CRHR1: variants seen among roughly 807,000 people sequenced by gnomAD.
The protein encoded by CRHR1 is corticotropin-releasing hormone receptor 1.
In CRHR1, 28 loss-of-function variants were observed where a neutral mutation model predicts 56.0. The observed-to-expected ratio is 0.50, with a 90% CI of 0.37 to 0.69. The LOEUF (loss-of-function observed/expected upper bound fraction) is 0.69, where lower values mean the gene tolerates loss of function less well. Ranked by LOEUF, CRHR1 falls within the 30% of genes least tolerant of loss-of-function variation. The pLI is 0.00. For synonymous variants in CRHR1, 195 were observed against 216.5 expected, an observed-to-expected ratio of 0.90 and a Z score of 0.87; for missense variants, 376 against 548.0, an observed-to-expected ratio of 0.69 and a Z score of 3.13.
Position 45,829,292 on chromosome 17 carries a change from G to C in CRHR1, c.405G>C (p.Leu135=). The C allele has an allele frequency of 6.2e-7, 1 of 1,614,050 alleles. No homozygotes were observed. The highest frequency in any genetic ancestry group is 8.5e-7 in the Non-Finnish European group (1 of 1,180,008). The part of the protein sequence containing the change: ...LGHCISLVAL[L]VAFVLFLRLR... ...ACTGTATCTCCCTGGTGGCCCTCCTGGTGGCCTTTGTCCTCTTTCTGCGGC... is the reference window on the plus strand; with the variant it reads ...ACTGTATCTCCCTGGTGGCCCTCCTCGTGGCCTTTGTCCTCTTTCTGCGGC... The change falls in exon 5 of 13, where the codon CTG becomes CTC. Residue 135 remains leucine, a synonymous_variant. Transcript: ENST00000314537.
At chr17:45,785,991 G>T (rs564122857) in intron 1 of CRHR1, among the ~76,000 whole-genome samples, 27 of 152,310 alleles carry the variant, frequency 1.8e-4, no homozygotes, top group African/African-American at 6.3e-4. Flanking sequence ...CAGAGAGGTC[G>T]AGTAGTTGGC....
intron 3 of CRHR1, 92 bp from the exon 4 acceptor site, chr17:45,821,263 C>CTG: frequency 8.6e-7 from 1 of 1,169,270 alleles, no homozygotes; most frequent in Non-Finnish European, 1.3e-6. Context: ...TACTGGCCAT[C>CTG]TACAGATCCA....
At chr17:45,804,585 T>C (rs1252956395) in intron 1 of CRHR1, among the ~76,000 whole-genome samples, 4 of 151,146 alleles carry the variant, frequency 2.6e-5, no homozygotes. Flanking sequence ...TCCCGGCAGG[T>C]GAACATGGAA....
intron 10 of CRHR1, 45 bp downstream of exon 10, chr17:45,833,582 C>G (rs374490379): frequency 3.9e-5 from 62 of 1,599,748 alleles, no homozygotes; most frequent in Non-Finnish European, 4.9e-5. Flanking sequence ...GATGAAACCC[C>G]TGCTCCCCAT....
intron 2 of CRHR1, among the ~76,000 whole-genome samples, chr17:45,808,763 C>T (rs1045722996): frequency 2.0e-5 from 3 of 152,166 alleles, no homozygotes; most frequent in African/African-American, 7.2e-5. Flanking sequence ...ATCCTCCTCT[C>T]TCAGCCTCCT....
At chr17:45,829,839 C>T (rs546755319) in intron 5 of CRHR1, among the ~76,000 whole-genome samples, 1 of 152,064 alleles carries the variant, frequency 6.6e-6, no homozygotes, top group East Asian at 1.9e-4. Flanking sequence ...TCCAGCTGCC[C>T]TGGTCCATGG....
In CRHR1 at chr17:45,784,704, C is replaced by G; in HGVS notation, c.33+127C>G. On this transcript the variant is annotated intron_variant, in intron 1 of 12. Coordinates refer to ENST00000314537, the MANE Select transcript of CRHR1 (RefSeq NM_004382.5). The surrounding 1 kb of genome is among the most constrained non-coding windows in gnomAD (Gnocchi z 4.2). Reference sequence around the variant, plus strand: ...AGAGCCGTGCTTAGGTCGGGGAAGGCTGGGCTCCGGGGCAGCCTAACTCTC... The same window carrying G: ...AGAGCCGTGCTTAGGTCGGGGAAGGGTGGGCTCCGGGGCAGCCTAACTCTC... The G allele has an allele frequency of 2.0e-6, 2 of 1,020,348 alleles. No individual in the cohort carries two copies. The highest frequency in any genetic ancestry group is 2.7e-6 in the Non-Finnish European group (2 of 751,446). The allele number at this position is 1,020,348 out of a possible 1,614,324, so 63.2% of individuals were successfully genotyped here. A position where few individuals can be genotyped will look rare whatever the true frequency, so the allele number is the denominator to read the frequency against.
At chr17:45,830,283 C>CA (rs747815676) in intron 6 of CRHR1, 69 bp downstream of exon 6, 466 of 1,604,010 alleles carry the variant, frequency 2.9e-4, no homozygotes, top group Non-Finnish European at 3.7e-4. Context: ...CCCGCCTGCC[C>CA]TGCAGAGGAG....
intron 4 of CRHR1, among the ~76,000 whole-genome samples, chr17:45,828,827 G>T (rs925805318): frequency 2.3e-4 from 35 of 152,326 alleles, no homozygotes; most frequent in African/African-American, 7.9e-4. Context: ...GGAGTTTGGT[G>T]TCTCTGCAGC....
At chr17:45,808,740 C>T (rs1206155400) in intron 2 of CRHR1, among the ~76,000 whole-genome samples, 1 of 152,138 alleles carries the variant, frequency 6.6e-6, no homozygotes, top group Non-Finnish European at 1.5e-5. Context: ...CCTCGATCTT[C>T]TGATCTCAAG....
chr17:45,797,736 A>T (rs1332730170), intron 1 of CRHR1, among the ~76,000 whole-genome samples: 2 of 151,976 alleles, frequency 1.3e-5, no homozygotes, highest in Non-Finnish European at 2.9e-5. Flanking sequence ...GGCAGATAAA[A>T]GATTCCAACA....
At chr17:45,793,369 C>G (rs2061460498) in intron 1 of CRHR1, among the ~76,000 whole-genome samples, 1 of 152,204 alleles carries the variant, frequency 6.6e-6, no homozygotes, top group African/African-American at 2.4e-5. Context: ...GCAAGAAGGT[C>G]TCAGAAGCTG....
Position 45,833,826 on chromosome 17 carries a change from A to G in CRHR1, c.1042A>G (p.Asn348Asp). Reference sequence around the variant, plus strand: ...CTCCCGGGTCGTCTTCATCTACTTCAACTCCTTCCTGGAATCCTTCCAGGT... The same window carrying G: ...CTCCCGGGTCGTCTTCATCTACTTCGACTCCTTCCTGGAATCCTTCCAGGT... Reference protein sequence around the residue: ...EVSRVVFIYFNSFLESFQGFF... With the variant: ...EVSRVVFIYFDSFLESFQGFF... The change falls in exon 11 of 13, where the codon AAC becomes GAC. Residue 348 changes from asparagine to aspartate, a missense_variant. Coordinates refer to ENST00000314537, the MANE Select transcript of CRHR1 (RefSeq NM_004382.5). The G allele has an allele frequency of 6.2e-7, 1 of 1,613,288 alleles. No homozygotes were observed. Among genetic ancestry groups the G allele is most frequent in the Non-Finnish European group, 8.5e-7 (1 of 1,179,894 alleles).
intron 8 of CRHR1, among the ~76,000 whole-genome samples, chr17:45,831,903 C>T (rs1235800065): frequency 1.3e-5 from 2 of 152,092 alleles, no homozygotes; most frequent in Non-Finnish European, 2.9e-5. Flanking sequence ...GAAAGAGGAG[C>T]CTGGAAGATT....
At chr17:45,811,074 A>G (rs2061814058) in intron 2 of CRHR1, among the ~76,000 whole-genome samples, 1 of 152,242 alleles carries the variant, frequency 6.6e-6, no homozygotes, top group Admixed American at 6.5e-5. Context: ...GCCCACCTCC[A>G]GAAGCCGCTG....
intron 1 of CRHR1, among the ~76,000 whole-genome samples, chr17:45,794,635 C>T (rs563039966): frequency 9.8e-5 from 15 of 152,340 alleles, no homozygotes; most frequent in Admixed American, 3.9e-4. Flanking sequence ...GGGTTCTGAG[C>T]AGGCCCCTTC....
At chr17:45,834,602 G>C (rs199761678) in intron 12 of CRHR1, 22 bp from the exon 13 acceptor site, 1 of 1,596,940 alleles carries the variant, frequency 6.3e-7, no homozygotes, top group Non-Finnish European at 8.5e-7. Flanking sequence ...CTCAGATGTC[G>C]TGCTCCTCCC....
chr17:45,833,225 A>AGGGGCAG lies in CRHR1; in HGVS notation c.843+17_843+23dup. 1 of 1,613,116 alleles carries AGGGGCAG rather than the reference A, an allele frequency of 6.2e-7. No individual in the cohort carries two copies. The highest frequency in any genetic ancestry group is 1.6e-4 in the Middle Eastern group (1 of 6,062). On this transcript the variant is annotated intron_variant, in intron 9 of 12. Transcript: ENST00000314537. ...TGGTCCTGCTGGTAAGAACCTGGGTAGGGGCAGGAGACAGGGCCCAGTGGG... is the reference window on the plus strand; with the variant it reads ...TGGTCCTGCTGGTAAGAACCTGGGTAGGGGCAGGGGGCAGGAGACAGGGCCCAGTGGG...
chr17:45,829,687 C>T, intron 5 of CRHR1: 1 of 1,529,802 alleles, frequency 6.5e-7, no homozygotes, highest in Non-Finnish European at 8.9e-7. Flanking sequence ...ATGCAGGTGG[C>T]AGAGCCGGGG....
Sources: gnomAD v4.1 joint callset for allele counts (sites outside exome capture counted in the v4.1 genomes callset) on GRCh38, gnomAD v4.1.1 for gene constraint, Gnocchi (gnomAD v3.1) non-coding constraint, MANE v1.5 for transcripts, NCBI Gene and HGNC (gene_info 2026-07-23, HGNC 2026-07-21) for gene names.